Variants in TTLL5 observed in about 807,000 individuals in gnomAD.
TTLL5 encodes the protein tubulin polyglutamylase TTLL5.
In TTLL5, 132 loss-of-function variants were observed where a neutral mutation model predicts 168.4. The ratio of observed to expected loss-of-function variants is 0.78; its 90% CI spans 0.68 to 0.91. The LOEUF (loss-of-function observed/expected upper bound fraction) is 0.91, where lower values mean the gene tolerates loss of function less well. TTLL5 is among the 40% of genes least tolerant of loss of function. TTLL5 has a pLI of 0.00. For missense variants in TTLL5, 1,545 were observed against 1,581.5 expected (o/e 0.98, Z 0.39); for synonymous variants, 546 against 558.6 (o/e 0.98, Z 0.32).
intron 18 of TTLL5, among the ~76,000 whole-genome samples, chr14:75,755,607 C>T (rs904461592): frequency 1.3e-5 from 2 of 151,984 alleles, no homozygotes; most frequent in Admixed American, 6.6e-5. Context: ...CAGGTTGGCT[C>T]TTAAGAGTAG....
chr14:75,766,951 G>A (rs941016410), intron 20 of TTLL5, among the ~76,000 whole-genome samples: 2 of 152,068 alleles, frequency 1.3e-5, no homozygotes, highest in Non-Finnish European at 2.9e-5. Flanking sequence ...ATCACCTAAG[G>A]TCAGGAGTTC....
At chr14:75,814,161 G>A (rs1372637055) in intron 27 of TTLL5, among the ~76,000 whole-genome samples, 1 of 152,212 alleles carries the variant, frequency 6.6e-6, no homozygotes, top group African/African-American at 2.4e-5. Flanking sequence ...AATCTGAAAT[G>A]CAAAACACTT....
intron 31 of TTLL5, among the ~76,000 whole-genome samples, chr14:75,906,890 C>T (rs1029932085): frequency 5.3e-5 from 8 of 152,110 alleles, no homozygotes; most frequent in Non-Finnish European, 1.0e-4. Context: ...CAGTAGGTGG[C>T]GCTGTGGCAG....
intron 28 of TTLL5, among the ~76,000 whole-genome samples, chr14:75,831,658 G>A (rs1418043728): frequency 6.6e-6 from 1 of 152,102 alleles, no homozygotes; most frequent in Non-Finnish European, 1.5e-5. Flanking sequence ...GAGTGGGTGG[G>A]GTCCTGCCTG....
intron 31 of TTLL5, among the ~76,000 whole-genome samples, chr14:75,948,439 C>T (rs752483487): frequency 5.9e-5 from 9 of 151,664 alleles, no homozygotes; most frequent in Admixed American, 3.9e-4. Context: ...GAGCCAAGAC[C>T]GCGCCATTGC....
intron 6 of TTLL5, among the ~76,000 whole-genome samples, chr14:75,697,590 G>A (rs1885962050): frequency 6.6e-6 from 1 of 152,136 alleles, no homozygotes; most frequent in Non-Finnish European, 1.5e-5. Flanking sequence ...CATGTCAGAG[G>A]GAGAGGAAAG....
At chr14:75,925,177 T>G (rs1173034549) in intron 31 of TTLL5, among the ~76,000 whole-genome samples, 1 of 96,008 alleles carries the variant, frequency 1.0e-5, no homozygotes, top group Admixed American at 1.0e-4. Context: ...GCGGCTGGCC[T>G]GGCGGGGGCT....
At chr14:75,710,360 G>A (rs928091197) in intron 9 of TTLL5, 8 of 149,786 alleles carry the variant, frequency 5.3e-5, no homozygotes, top group Non-Finnish European at 1.0e-4. Context: ...ACTGAATTAA[G>A]TATAACCCTT....
intron 17 of TTLL5, among the ~76,000 whole-genome samples, chr14:75,752,494 T>C (rs927448958): frequency 2.0e-5 from 3 of 152,192 alleles, no homozygotes; most frequent in African/African-American, 7.2e-5. Context: ...ATTGAAACAG[T>C]CTCTTATCTA....
chr14:75,849,262 G>C (rs937915188), intron 28 of TTLL5, among the ~76,000 whole-genome samples: 4 of 152,140 alleles, frequency 2.6e-5, no homozygotes, highest in African/African-American at 7.2e-5. Context: ...CTCTCCTCAA[G>C]AGCTTGTAAT....
intron 5 of TTLL5, among the ~76,000 whole-genome samples, chr14:75,685,748 C>T (rs2140127561): frequency 6.6e-6 from 1 of 152,300 alleles, no homozygotes; most frequent in Non-Finnish European, 1.5e-5. Flanking sequence ...TCCTAGTTAC[C>T]TTACCTTTCC....
intron 31 of TTLL5, among the ~76,000 whole-genome samples, chr14:75,920,430 G>A (rs1000746308): frequency 6.6e-6 from 1 of 151,976 alleles, no homozygotes. Context: ...GGTGTGTGAT[G>A]TTCCCCTCGA....
intron 31 of TTLL5, among the ~76,000 whole-genome samples, chr14:75,919,052 T>C (rs997844758): frequency 2.0e-5 from 3 of 151,214 alleles, no homozygotes; most frequent in African/African-American, 7.3e-5. Flanking sequence ...AATACAAAAA[T>C]TAGCTGGGCA....
intron 28 of TTLL5, among the ~76,000 whole-genome samples, chr14:75,823,080 C>T (rs1418856699): frequency 2.0e-5 from 3 of 152,130 alleles, no homozygotes; most frequent in Non-Finnish European, 4.4e-5. Context: ...AGGTGTGCCT[C>T]CAAGCAAGGC....
chr14:75,766,904 C>T (rs1890996355), intron 20 of TTLL5, among the ~76,000 whole-genome samples: 1 of 152,076 alleles, frequency 6.6e-6, no homozygotes, highest in Admixed American at 6.6e-5. Context: ...TGTCTCACAC[C>T]TATAATTGCA....
intron 17 of TTLL5, among the ~76,000 whole-genome samples, chr14:75,746,843 CGT>C (rs1889647881): frequency 6.6e-6 from 1 of 152,062 alleles, no homozygotes; most frequent in African/African-American, 2.4e-5. Context: ...AGATTATAGG[CGT>C]GAGACACCGT....
At position 75,670,544 on chromosome 14, in the gene TTLL5, TA is replaced by T. The variant is rs575593069; in HGVS notation, c.181+1023del. Among the ~76,000 whole-genome samples the T allele has an allele frequency of 3.3e-5, 5 of 152,350 alleles. No individual in the cohort carries two copies. In the South Asian group the frequency reaches 1.0e-3, roughly 32 times the overall value. ...GTTTTACATTCCCGTCAACAACGTA[TA>T]GGGGTTCCAGTTTCTCCACATCCTC... On this transcript the variant is annotated intron_variant, in intron 3 of 31. Coordinates refer to ENST00000298832, the MANE Select transcript of TTLL5 (RefSeq NM_015072.5).
At chr14:75,869,656 A>C (rs997093733) in intron 29 of TTLL5, among the ~76,000 whole-genome samples, 1 of 152,108 alleles carries the variant, frequency 6.6e-6, no homozygotes, top group Non-Finnish European at 1.5e-5. Context: ...CATAAGTAAT[A>C]AATGGTAGAA....
chr14:75,938,166 T>C (rs1332357066), intron 31 of TTLL5, among the ~76,000 whole-genome samples: 3 of 152,362 alleles, frequency 2.0e-5, no homozygotes, highest in African/African-American at 7.2e-5. Flanking sequence ...CAGACAATAC[T>C]GTTAGAATTT....
Sources: allele counts gnomAD v4.1 joint callset (sites outside exome capture counted in the v4.1 genomes callset), GRCh38; gene constraint gnomAD v4.1.1; transcripts MANE v1.5; gene names NCBI Gene and HGNC (gene_info 2026-07-23, HGNC 2026-07-21).